Variants in ANO6 observed in about 807,000 individuals in gnomAD.
ANO6 encodes the protein anoctamin-6.
ANO6 carries 106 observed loss-of-function variants against 117.5 expected under a neutral mutation model. The observed-to-expected ratio is 0.90, with a 90% CI of 0.77 to 1.06. The LOEUF (loss-of-function observed/expected upper bound fraction) is 1.06, where lower values mean the gene tolerates loss of function less well. ANO6 is among the 50% of genes least tolerant of loss of function. ANO6 has a pLI of 0.00. For synonymous variants in ANO6, 367 were observed against 385.1 expected (o/e 0.95, Z 0.55); for missense variants, 955 against 1,121.1 (o/e 0.85, Z 2.12).
chr12:45,267,727 G>A (rs1347440881), intron 1 of ANO6, among the ~76,000 whole-genome samples: 1 of 152,162 alleles, frequency 6.6e-6, no homozygotes. Flanking sequence ...GGAGGTGGAG[G>A]TTACAGTGAG....
chr12:45,298,281 A>G (rs888102604), intron 1 of ANO6, among the ~76,000 whole-genome samples: 7 of 152,240 alleles, frequency 4.6e-5, no homozygotes, highest in Non-Finnish European at 8.8e-5. Context: ...TGACAGGACT[A>G]AAAATACATT....
intron 1 of ANO6, among the ~76,000 whole-genome samples, chr12:45,235,153 T>C (rs1448241713): frequency 6.6e-6 from 1 of 152,222 alleles, no homozygotes; most frequent in East Asian, 1.9e-4. Context: ...AATAAAGTCC[T>C]CTCCAATGTG....
chr12:45,230,808 A>G (rs1257416039), intron 1 of ANO6, among the ~76,000 whole-genome samples: 2 of 152,236 alleles, frequency 1.3e-5, no homozygotes, highest in East Asian at 3.8e-4. Flanking sequence ...TTTTTAATAA[A>G]GGAATATTTG....
At chr12:45,300,817 TAAA>T in intron 1 of ANO6, among the ~76,000 whole-genome samples, 1 of 152,360 alleles carries the variant, frequency 6.6e-6, no homozygotes, top group East Asian at 1.9e-4. Context: ...AAGTTAAAAA[TAAA>T]AAAGTTCTTT....
chr12:45,217,638 G>T (rs1368075902), intron 1 of ANO6, among the ~76,000 whole-genome samples: 1 of 152,168 alleles, frequency 6.6e-6, no homozygotes, highest in Admixed American at 6.5e-5. Flanking sequence ...GAAGCGCACA[G>T]GTTGGTCTGC....
chr12:45,423,140 C>T (rs1943410026), intron 19 of ANO6, 78 bp downstream of exon 19: 1 of 1,028,612 alleles, frequency 9.7e-7, no homozygotes, highest in East Asian at 2.4e-5. Context: ...CAACTCCATA[C>T]TTAACATGTG....
At chr12:45,313,490 G>A (rs1939911111) in intron 2 of ANO6, 1 of 152,018 alleles carries the variant, frequency 6.6e-6, no homozygotes, top group Admixed American at 6.6e-5. Context: ...GGATGCTTGT[G>A]GTTGGCTAAG....
intron 1 of ANO6, among the ~76,000 whole-genome samples, chr12:45,263,367 C>CATTTTT (rs1226671382): frequency 1.3e-5 from 1 of 79,178 alleles, no homozygotes; most frequent in African/African-American, 5.0e-5. Flanking sequence ...CTGGCCTGGC[C>CATTTTT]TTTTTTTTTT....
At chr12:45,323,935 ATTT>A (rs761870704) in intron 2 of ANO6, among the ~76,000 whole-genome samples, 2,010 of 108,256 alleles carry the variant, frequency 0.019, 24 homozygotes, top group East Asian at 0.088. Context: ...TTGTTGTTGT[ATTT>A]TTTTTTTTTT....
intron 2 of ANO6, among the ~76,000 whole-genome samples, chr12:45,307,737 C>T (rs1939715686): frequency 6.6e-6 from 1 of 152,004 alleles, no homozygotes; most frequent in Non-Finnish European, 1.5e-5. Context: ...CCAGTGTTTA[C>T]AGGTCACGGA....
rs547113124 is a variant in ANO6 at position 45,293,105 on chromosome 12, A to G, written c.71-8909A>G. 4.1e-4 allele frequency: 232 copies of G among 566,408 alleles called. 1 individual carries two copies. In the African/African-American group the frequency reaches 4.6e-3, roughly 11 times the overall value. 35.1% of individuals were successfully genotyped at this position (566,408 alleles called of 1,614,324 possible). On this transcript the variant is annotated intron_variant, in intron 1 of 19. Coordinates refer to ENST00000320560, the MANE Select transcript of ANO6 (RefSeq NM_001025356.3). ...TGTGTGTCACAGTATGGTGCAGTGC[A>G]ATATGGTTCTGGAAATAGAAGCACT...
In ANO6 at chr12:45,375,199, A is replaced by G. The variant is rs963143218; in HGVS notation, c.1105-2854A>G. 4.6e-5 allele frequency among the ~76,000 whole-genome samples: 7 copies of G among 152,200 alleles called. 1 individual carries two copies. Among genetic ancestry groups the G allele is most frequent in the East Asian group, 3.8e-4 (2 of 5,202 alleles). ...ACTACAAACCACTGCTCAAGGAAAT[A>G]AAAGAGGATACAAACAAATGGAAGA... On this transcript the variant is annotated intron_variant, in intron 9 of 19. Transcript: ENST00000320560.
chr12:45,268,949 C>T lies in ANO6; in HGVS notation c.71-33065C>T, dbSNP rs1938304566. ...TCCACCCATTGGCAAGGGGCCAGCTCTCTAATGGAATGTGAGCAGTCTTAC... is the reference window on the plus strand; with the variant it reads ...TCCACCCATTGGCAAGGGGCCAGCTTTCTAATGGAATGTGAGCAGTCTTAC... On this transcript the variant is annotated intron_variant, in intron 1 of 19. Transcript: ENST00000320560. Among the ~76,000 whole-genome samples the T allele has an allele frequency of 3.9e-5, 6 of 152,230 alleles. No homozygotes were observed. The South Asian group carries it at 1.2e-3, about 32-fold the overall frequency.
chr12:45,287,351 C>G (rs776043356), intron 1 of ANO6, among the ~76,000 whole-genome samples: 6 of 152,170 alleles, frequency 3.9e-5, no homozygotes, highest in Non-Finnish European at 7.3e-5. Flanking sequence ...GCTGTGTGAT[C>G]TTATGCAAAA....
intron 1 of ANO6, among the ~76,000 whole-genome samples, chr12:45,297,840 A>G (rs968153832): frequency 4.3e-4 from 66 of 152,326 alleles, no homozygotes; most frequent in African/African-American, 1.3e-3. Flanking sequence ...GTTTACCTAT[A>G]GTAATCCAAT....
intron 1 of ANO6, among the ~76,000 whole-genome samples, chr12:45,279,207 C>T (rs559850387): frequency 1.2e-4 from 19 of 152,302 alleles, no homozygotes; most frequent in African/African-American, 2.6e-4. Context: ...AACAGACTTA[C>T]GACCATTCTC....
At chr12:45,356,130 T>G (rs1941404742) in intron 7 of ANO6, among the ~76,000 whole-genome samples, 1 of 152,212 alleles carries the variant, frequency 6.6e-6, no homozygotes, top group Admixed American at 6.5e-5. Flanking sequence ...CTGCCCTCTT[T>G]AATCTTGCCT....
chr12:45,347,743 AGT>A (rs1265554167), intron 4 of ANO6, among the ~76,000 whole-genome samples: 1 of 152,216 alleles, frequency 6.6e-6, no homozygotes, highest in Admixed American at 6.5e-5. Context: ...ATTAGGGTAG[AGT>A]GATAGACAAA....
chr12:45,401,430 T>C (rs1942782967), intron 12 of ANO6, among the ~76,000 whole-genome samples: 1 of 152,220 alleles, frequency 6.6e-6, no homozygotes, highest in African/African-American at 2.4e-5. Flanking sequence ...CAGAGTATGC[T>C]ACTAGTTGTT....
Sources: gnomAD v4.1 joint callset for allele counts (sites outside exome capture counted in the v4.1 genomes callset) on GRCh38, gnomAD v4.1.1 for gene constraint, MANE v1.5 for transcripts, NCBI Gene and HGNC (gene_info 2026-07-23, HGNC 2026-07-21) for gene names.